Variants in PKIB observed in about 807,000 individuals in gnomAD.
PKIB encodes the protein PKI-beta.
PKIB carries 2 observed loss-of-function variants against 4.5 expected under a neutral mutation model. The ratio of observed to expected loss-of-function variants is 0.44; its 90% CI spans 0.18 to 1.39. The LOEUF (loss-of-function observed/expected upper bound fraction) is 1.39. Ranked by LOEUF, PKIB falls within the 40% of genes most tolerant of loss-of-function variation. The pLI is 0.27. For missense variants in PKIB, 94 were observed against 92.6 expected (o/e 1.02, Z -0.06); for synonymous variants, 38 against 36.0 (o/e 1.06, Z -0.20).
chr6:122,662,468 A>G (rs2114918252), intron 2 of PKIB, among the ~76,000 whole-genome samples: 1 of 150,180 alleles, frequency 6.7e-6, no homozygotes, highest in Non-Finnish European at 1.5e-5. Context: ...GGCATGCACC[A>G]CCGTGCCCAG....
chr6:122,485,148 C>CT (rs1775727313), intron 2 of PKIB, among the ~76,000 whole-genome samples: 1 of 151,990 alleles, frequency 6.6e-6, no homozygotes. Flanking sequence ...TGAATCGTGC[C>CT]TTGCTCAATT....
chr6:122,565,865 C>A (rs1773174838), intron 2 of PKIB, among the ~76,000 whole-genome samples: 1 of 152,216 alleles, frequency 6.6e-6, no homozygotes. Flanking sequence ...TGAGGCATGG[C>A]CAGATCTGAA....
intron 2 of PKIB, among the ~76,000 whole-genome samples, chr6:122,648,582 A>G (rs1038959680): frequency 6.6e-6 from 1 of 152,200 alleles, no homozygotes; most frequent in African/African-American, 2.4e-5. Flanking sequence ...GCTGTGAAGT[A>G]AGCTCCTTGA....
rs1173282081 is a variant in PKIB, at chr6:122,610,466, T to G, written c.-230T>G. 6.6e-6 allele frequency: 1 copy of G among 152,338 alleles called. No individual in the cohort carries two copies. Among genetic ancestry groups the G allele is most frequent in the East Asian group, 1.9e-4 (1 of 5,156 alleles). The allele number at this position is 152,338 out of a possible 1,614,324, so 9.4% of individuals were successfully genotyped here. The stretch of plus-strand genomic sequence containing the variant: ...AGCGAGCTAGAGCCCGAGTCGCAGC[T>G]CCGGGCCGCAGAGCGCTGGGCGAGC... On this transcript the variant is annotated 5_prime_UTR_variant, in exon 1 of 5. Transcript: ENST00000368452.
intron 3 of PKIB, among the ~76,000 whole-genome samples, chr6:122,602,565 A>G (rs1471618135): frequency 6.6e-6 from 1 of 152,156 alleles, no homozygotes; most frequent in East Asian, 1.9e-4. Context: ...GTAGAGTATA[A>G]GGGTAATTCC....
At chr6:122,485,260 TGA>T (rs1775731916) in intron 2 of PKIB, among the ~76,000 whole-genome samples, 1 of 152,074 alleles carries the variant, frequency 6.6e-6, no homozygotes, top group Non-Finnish European at 1.5e-5. Flanking sequence ...GTATTTTTAC[TGA>T]GAATAAAATG....
chr6:122,542,201 T>A (rs1310138458), intron 2 of PKIB, among the ~76,000 whole-genome samples: 1 of 152,138 alleles, frequency 6.6e-6, no homozygotes. Context: ...TCATTGTCTG[T>A]CCAGCTTTGT....
chr6:122,625,782 A>C (rs1314252820), intron 1 of PKIB, among the ~76,000 whole-genome samples: 1 of 152,192 alleles, frequency 6.6e-6, no homozygotes, highest in African/African-American at 2.4e-5. Flanking sequence ...ACTACAGATT[A>C]GATTGGCCAG....
chr6:122,666,070 A>T (rs1009306613), intron 2 of PKIB, among the ~76,000 whole-genome samples: 1 of 152,218 alleles, frequency 6.6e-6, no homozygotes, highest in Admixed American at 6.5e-5. Flanking sequence ...TCCCCAAGTC[A>T]TATAGCTATT....
At chr6:122,491,263 T>C (rs1023730574) in intron 2 of PKIB, among the ~76,000 whole-genome samples, 12 of 152,328 alleles carry the variant, frequency 7.9e-5, no homozygotes, top group African/African-American at 2.6e-4. Context: ...ACTGGAGTTA[T>C]ACGCATGCTC....
intron 2 of PKIB, among the ~76,000 whole-genome samples, chr6:122,529,080 G>T (rs76880978): frequency 6.3e-4 from 96 of 152,136 alleles, no homozygotes; most frequent in African/African-American, 2.2e-3. Context: ...GATGATAAAA[G>T]AATTACAATT....
chr6:122,644,760 CTT>C (rs938368776), intron 2 of PKIB: 1 of 85,722 alleles, frequency 1.2e-5, no homozygotes, highest in Non-Finnish European at 3.1e-5. Context: ...AATTATTAAA[CTT>C]AAACTGGTGA....
At chr6:122,547,017 G>C (rs1248707603) in intron 2 of PKIB, among the ~76,000 whole-genome samples, 1 of 152,074 alleles carries the variant, frequency 6.6e-6, no homozygotes, top group Non-Finnish European at 1.5e-5. Context: ...GACCCATACA[G>C]GTCAGCTTTA....
At chr6:122,651,165 T>C (rs925516522) in intron 2 of PKIB, among the ~76,000 whole-genome samples, 2 of 152,194 alleles carry the variant, frequency 1.3e-5, no homozygotes, top group Non-Finnish European at 2.9e-5. Flanking sequence ...CTAATCCCTA[T>C]AATCCCTCTA....
intron 2 of PKIB, among the ~76,000 whole-genome samples, chr6:122,643,002 G>T (rs1776178635): frequency 6.6e-6 from 1 of 152,088 alleles, no homozygotes; most frequent in African/African-American, 2.4e-5. Context: ...TAAAAAAGAG[G>T]CAGTATTTAG....
At chr6:122,520,725 A>T (rs116182381) in intron 2 of PKIB, among the ~76,000 whole-genome samples, 1,458 of 134,204 alleles carry the variant, frequency 0.011, 19 homozygotes, top group African/African-American at 0.038. Context: ...TCAGACCGTG[A>T]ATTTTAAATT....
chr6:122,719,716 TACACACACACACACACACAC>T (rs202212013), intron 4 of PKIB, among the ~76,000 whole-genome samples: 4,204 of 132,840 alleles, frequency 0.032, 122 homozygotes, highest in Non-Finnish European at 0.044. Flanking sequence ...CCACCACACA[TACACACACACACACACACAC>T]ACACACACAC....
intron 2 of PKIB, among the ~76,000 whole-genome samples, chr6:122,641,800 T>A (rs1776130612): frequency 6.6e-6 from 1 of 152,156 alleles, no homozygotes; most frequent in South Asian, 2.1e-4. Context: ...TTCAAGTGAT[T>A]CTCCTGCCTC....
At chr6:122,515,965 G>A (rs952317424) in intron 2 of PKIB, among the ~76,000 whole-genome samples, 1 of 151,816 alleles carries the variant, frequency 6.6e-6, no homozygotes, top group African/African-American at 2.4e-5. Context: ...TGCCCTCCTC[G>A]GCCTCCCAAA....
Sources: allele counts gnomAD v4.1 joint callset (sites outside exome capture counted in the v4.1 genomes callset), GRCh38; gene constraint gnomAD v4.1.1; transcripts MANE v1.5; gene names NCBI Gene and HGNC (gene_info 2026-07-23, HGNC 2026-07-21).